Variants in RBPJ observed in about 807,000 individuals in gnomAD.
The protein encoded by RBPJ is recombining binding protein suppressor of hairless.
Under a neutral mutation model 67.8 loss-of-function variants are expected in RBPJ, and 9 were observed. That is an observed-to-expected ratio of 0.13 (90% CI 0.08 to 0.23). RBPJ has a LOEUF of 0.23. RBPJ is among the 10% of genes least tolerant of loss of function. The pLI is 1.00. For synonymous variants in RBPJ, 198 were observed against 203.3 expected, an observed-to-expected ratio of 0.97 and a Z score of 0.22; for missense variants, 305 against 595.6, an observed-to-expected ratio of 0.51 and a Z score of 5.08.
At chr4:26,185,306 C>T (rs905990211) in intron 1 of RBPJ, among the ~76,000 whole-genome samples, 16 of 151,876 alleles carry the variant, frequency 1.1e-4, no homozygotes, top group Admixed American at 6.6e-5. Flanking sequence ...CTTTTGCCAC[C>T]CTCTGCCTGT....
At chr4:26,375,625 G>A (rs1729639572) in intron 1 of RBPJ, among the ~76,000 whole-genome samples, 1 of 152,208 alleles carries the variant, frequency 6.6e-6, no homozygotes, top group Admixed American at 6.5e-5. Context: ...GTGAGGGTGA[G>A]AAATAAGAGA....
intron 1 of RBPJ, among the ~76,000 whole-genome samples, chr4:26,299,469 A>G (rs1721997451): frequency 6.6e-6 from 1 of 152,134 alleles, no homozygotes. Flanking sequence ...GTTTTCATAC[A>G]CCATTCTGAG....
intron 1 of RBPJ, among the ~76,000 whole-genome samples, chr4:26,347,230 G>A (rs939898099): frequency 6.6e-6 from 1 of 152,114 alleles, no homozygotes; most frequent in African/African-American, 2.4e-5. Flanking sequence ...TATACGTGGC[G>A]ATCCTGGAGC....
At chr4:26,298,619 C>T (rs1306704599) in intron 1 of RBPJ, among the ~76,000 whole-genome samples, 1 of 152,170 alleles carries the variant, frequency 6.6e-6, no homozygotes, top group Non-Finnish European at 1.5e-5. Context: ...TTCATTATAA[C>T]CATAATTGGA....
chr4:26,206,923 A>G (rs1380870556), intron 1 of RBPJ, among the ~76,000 whole-genome samples: 1 of 152,082 alleles, frequency 6.6e-6, no homozygotes, highest in Non-Finnish European at 1.5e-5. Flanking sequence ...CTCAAATTCT[A>G]TACCTGTTCT....
At chr4:26,179,878 G>A (rs999831821) in intron 1 of RBPJ, among the ~76,000 whole-genome samples, 47 of 152,254 alleles carry the variant, frequency 3.1e-4, no homozygotes, top group African/African-American at 1.1e-3. Flanking sequence ...GCATGCAAAT[G>A]TTTATTGCAG....
intron 1 of RBPJ, among the ~76,000 whole-genome samples, chr4:26,276,764 A>T (rs1721100056): frequency 6.6e-6 from 1 of 152,260 alleles, no homozygotes; most frequent in South Asian, 2.1e-4. Context: ...AACTGAGCAC[A>T]TACTATGTTA....
chr4:26,244,656 C>A (rs1577353402), intron 1 of RBPJ, among the ~76,000 whole-genome samples: 1 of 152,020 alleles, frequency 6.6e-6, no homozygotes, highest in Admixed American at 6.6e-5. Flanking sequence ...AAGATGGAGT[C>A]TCGCTCTGTG....
At chr4:26,289,932 A>G (rs1238268255) in intron 1 of RBPJ, among the ~76,000 whole-genome samples, 2 of 150,782 alleles carry the variant, frequency 1.3e-5, no homozygotes, top group African/African-American at 4.9e-5. Flanking sequence ...GCATCTTGTA[A>G]CAGGTACCTA....
Position 26,432,121 on chromosome 4 carries a change from C to T in RBPJ, c.*1114C>T, listed in dbSNP as rs1736292594. On this transcript the variant is annotated 3_prime_UTR_variant, in exon 11 of 11. Transcript: ENST00000355476. Reference sequence around the variant, plus strand: ...TTTCATTCAGCAGGGTATTTTCTGCCTTGTTGGCAAGTGACAAAAAATATG... The same window carrying T: ...TTTCATTCAGCAGGGTATTTTCTGCTTTGTTGGCAAGTGACAAAAAATATG... 1 of 152,058 alleles carries T rather than the reference C, an allele frequency of 6.6e-6. No individual in the cohort carries two copies. The allele number at this position is 152,058 out of a possible 1,614,324, so 9.4% of individuals were successfully genotyped here.
chr4:26,191,128 G>A (rs201258428), intron 1 of RBPJ, among the ~76,000 whole-genome samples: 1 of 119,634 alleles, frequency 8.4e-6, no homozygotes, highest in East Asian at 2.6e-4. Flanking sequence ...TTCCAGCCTG[G>A]GCAACGGAAT....
chr4:26,421,007 C>T (rs1735080941), intron 5 of RBPJ, among the ~76,000 whole-genome samples: 1 of 152,086 alleles, frequency 6.6e-6, no homozygotes, highest in Admixed American at 6.6e-5. Flanking sequence ...GTGATGTTGG[C>T]TTTGGGTGTC....
At chr4:26,390,499 G>C (rs193038277) in intron 2 of RBPJ, among the ~76,000 whole-genome samples, 1 of 152,116 alleles carries the variant, frequency 6.6e-6, no homozygotes, top group African/African-American at 2.4e-5. Flanking sequence ...AAAATTCTGC[G>C]GAATCTTGCT....
intron 1 of RBPJ, among the ~76,000 whole-genome samples, chr4:26,225,171 G>C (rs1008769424): frequency 6.6e-6 from 1 of 152,196 alleles, no homozygotes; most frequent in Non-Finnish European, 1.5e-5. Flanking sequence ...GAGGTAGCTG[G>C]TATAAAGGAA....
chr4:26,396,143 C>A (rs1319950320), intron 2 of RBPJ, among the ~76,000 whole-genome samples: 5 of 152,164 alleles, frequency 3.3e-5, no homozygotes, highest in Non-Finnish European at 7.3e-5. Flanking sequence ...GAGTAACAAA[C>A]ACCATGCAAA....
intron 1 of RBPJ, among the ~76,000 whole-genome samples, chr4:26,267,322 A>G (rs1023242018): frequency 2.0e-5 from 3 of 152,166 alleles, no homozygotes; most frequent in Middle Eastern, 6.3e-3. Context: ...AGCAGCCAGA[A>G]TAACAGACTC....
chr4:26,205,967 TGTTGA>T (rs1313937325), intron 1 of RBPJ, among the ~76,000 whole-genome samples: 3 of 145,662 alleles, frequency 2.1e-5, no homozygotes, highest in East Asian at 2.0e-4. Context: ...CCATTCAGTC[TGTTGA>T]GTTGAGTAAA....
rs115218189 is a variant in RBPJ, at chr4:26,288,082, C to T, written c.-166-74364C>T. Among the ~76,000 whole-genome samples the T allele has an allele frequency of 6.8e-3, 1,037 of 152,244 alleles. 14 individuals carry two copies. Among genetic ancestry groups the T allele is most frequent in the African/African-American group, 0.024 (977 of 41,532 alleles). On this transcript the variant is annotated intron_variant, in intron 1 of 4. Coordinates refer to the RBPJ transcript ENST00000512351. ...TCTGATATTAGTCCTCAGTAGTGCTCTCCAAAAGGATGGGTAGATAACTAC... is the reference window on the plus strand; with the variant it reads ...TCTGATATTAGTCCTCAGTAGTGCTTTCCAAAAGGATGGGTAGATAACTAC...
intron 1 of RBPJ, among the ~76,000 whole-genome samples, chr4:26,270,355 GAGAAAGAAAGAA>G (rs1179109682): frequency 0.011 from 593 of 52,048 alleles, 9 homozygotes; most frequent in African/African-American, 0.025. Context: ...GAGAGAGCAA[GAGAAAGAAAGAA>G]AGAAAGAAAG....
Sources: allele counts gnomAD v4.1 joint callset (sites outside exome capture counted in the v4.1 genomes callset), GRCh38; gene constraint gnomAD v4.1.1; transcripts MANE v1.5; gene names NCBI Gene and HGNC (gene_info 2026-07-23, HGNC 2026-07-21).